The following CLEC16A variants were observed in gnomAD, a reference collection of about 807,000 sequenced individuals.
CLEC16A encodes C-type lectin domain containing 16A.
In CLEC16A, 51 loss-of-function variants were observed where a neutral mutation model predicts 109.5. The ratio of observed to expected loss-of-function variants is 0.47; its 90% CI spans 0.37 to 0.59. The LOEUF is 0.59. CLEC16A is among the 20% of genes least tolerant of loss of function. The pLI is 0.00. For synonymous variants in CLEC16A, 673 were observed against 564.2 expected, an observed-to-expected ratio of 1.19 and a Z score of -2.73; for missense variants, 1,339 against 1,394.0, an observed-to-expected ratio of 0.96 and a Z score of 0.63.
rs535355127 is a variant in CLEC16A, at chr16:11,123,997, G to T, written c.2473+51G>T. ...ATCCTCTGAGCACTTGGTGGGTCAG[G>T]GCTGTTTGTAGTTCTCACACTGACC... On this transcript the variant is annotated intron_variant, in intron 21 of 23. Coordinates refer to ENST00000409790, the MANE Select transcript of CLEC16A (RefSeq NM_015226.3). The T allele has an allele frequency of 3.2e-4, 480 of 1,523,392 alleles. 1 individual carries two copies. The highest frequency in any genetic ancestry group is 8.8e-4 in the South Asian group (73 of 83,242). 94.4% of individuals were successfully genotyped at this position (1,523,392 alleles called of 1,614,324 possible).
chr16:11,091,587 G>T (rs983279329), intron 19 of CLEC16A, among the ~76,000 whole-genome samples: 2 of 152,194 alleles, frequency 1.3e-5, no homozygotes, highest in Admixed American at 6.5e-5. Context: ...TGGGTAAATG[G>T]GTACTCCGCA....
At chr16:11,007,457 A>C (rs1156618297) in intron 11 of CLEC16A, among the ~76,000 whole-genome samples, 1 of 152,126 alleles carries the variant, frequency 6.6e-6, no homozygotes, top group Non-Finnish European at 1.5e-5. Context: ...GAGAGTTGAG[A>C]TCTGAATCCC....
intron 23 of CLEC16A, among the ~76,000 whole-genome samples, chr16:11,172,564 C>A (rs1436581839): frequency 2.6e-5 from 4 of 152,114 alleles, no homozygotes; most frequent in African/African-American, 9.7e-5. Context: ...TGGGGGAGCA[C>A]ATAGTAGGTG....
chr16:11,165,034 C>G (rs536840928), intron 22 of CLEC16A, among the ~76,000 whole-genome samples: 3 of 152,120 alleles, frequency 2.0e-5, no homozygotes, highest in Non-Finnish European at 4.4e-5. Flanking sequence ...GACTCGCCCC[C>G]CCATATCTCC....
intron 19 of CLEC16A, among the ~76,000 whole-genome samples, chr16:11,087,821 C>G (rs747100114): frequency 6.6e-6 from 1 of 152,228 alleles, no homozygotes; most frequent in Admixed American, 6.5e-5. Context: ...TTGCCCAGGT[C>G]GCTGGCCAGG....
intron 19 of CLEC16A, among the ~76,000 whole-genome samples, chr16:11,098,166 G>A (rs997825303): frequency 6.6e-6 from 1 of 152,228 alleles, no homozygotes; most frequent in African/African-American, 2.4e-5. Flanking sequence ...GGGATTAACC[G>A]AGGCCTCTGC....
intron 10 of CLEC16A, among the ~76,000 whole-genome samples, chr16:10,984,131 G>C (rs1315030739): frequency 2.6e-5 from 4 of 152,162 alleles, no homozygotes; most frequent in Non-Finnish European, 5.9e-5. Flanking sequence ...TGGGGTAGTA[G>C]ATTTGCTGCC....
intron 18 of CLEC16A, among the ~76,000 whole-genome samples, chr16:11,053,249 A>G (rs1772147335): frequency 6.6e-6 from 1 of 152,162 alleles, no homozygotes; most frequent in Admixed American, 6.5e-5. Context: ...ACTTCTATGA[A>G]CACATAGCCT....
chr16:11,119,992 C>T (rs563271548), intron 19 of CLEC16A, among the ~76,000 whole-genome samples: 70 of 118,112 alleles, frequency 5.9e-4, no homozygotes, highest in Non-Finnish European at 4.9e-4. Flanking sequence ...TTGTTTGAGA[C>T]GGAGTTTTGC....
At chr16:11,120,808 A>C in intron 20 of CLEC16A, 42 bp downstream of exon 20, 1 of 1,343,732 alleles carries the variant, frequency 7.4e-7, no homozygotes, top group Non-Finnish European at 9.8e-7. Context: ...TCAGTTGGCT[A>C]CAAACACACA....
chr16:11,044,927 C>CAAAA (rs71404442), intron 16 of CLEC16A, among the ~76,000 whole-genome samples: 1 of 86,942 alleles, frequency 1.2e-5, no homozygotes, highest in African/African-American at 4.7e-5. Context: ...AACTCCATCT[C>CAAAA]AAAAAAAAAA....
At chr16:11,042,038 T>G (rs1301370418) in intron 14 of CLEC16A, 5 of 534,120 alleles carry the variant, frequency 9.4e-6, no homozygotes, top group Non-Finnish European at 1.7e-5. Flanking sequence ...CAGGGAAGTA[T>G]TTGGTATAGG....
At chr16:11,137,205 T>C (rs1379404475) in intron 22 of CLEC16A, among the ~76,000 whole-genome samples, 1 of 152,158 alleles carries the variant, frequency 6.6e-6, no homozygotes, top group African/African-American at 2.4e-5. Flanking sequence ...TTTCTTTGCT[T>C]CTGAATCATT....
intron 22 of CLEC16A, among the ~76,000 whole-genome samples, chr16:11,162,704 C>T (rs777149622): frequency 2.6e-5 from 4 of 152,192 alleles, no homozygotes; most frequent in Non-Finnish European, 5.9e-5. Flanking sequence ...CTCTTACCAG[C>T]GTGTTGGTTG....
chr16:11,064,089 G>A (rs1413553229), intron 19 of CLEC16A, among the ~76,000 whole-genome samples: 2 of 152,160 alleles, frequency 1.3e-5, no homozygotes, highest in African/African-American at 4.8e-5. Context: ...AGCTTCAACA[G>A]TTTTTACCAT....
chr16:11,010,557 C>T (rs2045338482), intron 11 of CLEC16A, among the ~76,000 whole-genome samples: 1 of 152,182 alleles, frequency 6.6e-6, no homozygotes, highest in Non-Finnish European at 1.5e-5. Context: ...TCTGTCTGCA[C>T]ACCCGCCCCA....
At chr16:10,956,214 C>G (rs929464241) in intron 1 of CLEC16A, among the ~76,000 whole-genome samples, 1 of 152,228 alleles carries the variant, frequency 6.6e-6, no homozygotes, top group Non-Finnish European at 1.5e-5. Flanking sequence ...TTAAAAATTA[C>G]ATGCAATTTC....
intron 23 of CLEC16A, among the ~76,000 whole-genome samples, chr16:11,177,941 AC>A (rs1330316005): frequency 6.6e-6 from 1 of 151,718 alleles, no homozygotes; most frequent in Non-Finnish European, 1.5e-5. Flanking sequence ...TATTACGAGC[AC>A]ACCCAAGCCC....
chr16:11,141,303 G>C (rs1391686789), intron 22 of CLEC16A, among the ~76,000 whole-genome samples: 1 of 152,264 alleles, frequency 6.6e-6, no homozygotes, highest in Non-Finnish European at 1.5e-5. Flanking sequence ...CCTTCTTCCA[G>C]CCAGTGCACA....
Sources: allele counts gnomAD v4.1 joint callset (sites outside exome capture counted in the v4.1 genomes callset), GRCh38; gene constraint gnomAD v4.1.1; transcripts MANE v1.5; gene names NCBI Gene and HGNC (gene_info 2026-07-23, HGNC 2026-07-21).